Variants in TFB2M observed in about 807,000 individuals in gnomAD.
TFB2M encodes the protein dimethyladenosine transferase 2, mitochondrial.
Under a neutral mutation model 41.3 loss-of-function variants are expected in TFB2M, and 44 were observed. That is an observed-to-expected ratio of 1.07 (90% CI 0.84 to 1.37). TFB2M has a LOEUF of 1.37. Among genes scored for constraint, TFB2M ranks in the 40% most tolerant of loss-of-function variants. The pLI is 0.00. For synonymous variants in TFB2M, 188 were observed against 176.8 expected, an observed-to-expected ratio of 1.06 and a Z score of -0.50; for missense variants, 496 against 490.2, an observed-to-expected ratio of 1.01 and a Z score of -0.11.
intron 4 of TFB2M, among the ~76,000 whole-genome samples, chr1:246,552,901 C>T (rs1375450134): frequency 6.6e-6 from 1 of 151,502 alleles, no homozygotes; most frequent in African/African-American, 2.4e-5. Context: ...AAGTGAGACA[C>T]TGTCTCTATT....
intron 6 of TFB2M, among the ~76,000 whole-genome samples, chr1:246,545,034 TG>T (rs1658971229): frequency 2.0e-5 from 3 of 148,252 alleles, no homozygotes; most frequent in Non-Finnish European, 4.5e-5. Context: ...CTCGATCTCC[TG>T]ACCTCGTGAT....
At chr1:246,552,408 G>C (rs1659210011) in intron 4 of TFB2M, among the ~76,000 whole-genome samples, 1 of 152,168 alleles carries the variant, frequency 6.6e-6, no homozygotes, top group South Asian at 2.1e-4. Flanking sequence ...AATTGAACTA[G>C]AGTCTCAAAT....
chr1:246,561,387 T>C (rs1473168254), intron 2 of TFB2M, among the ~76,000 whole-genome samples: 1 of 152,244 alleles, frequency 6.6e-6, no homozygotes, highest in Non-Finnish European at 1.5e-5. Context: ...CCTATCATAA[T>C]TATTGTTTCA....
At position 246,551,244 on chromosome 1, in the gene TFB2M, T is replaced by C; in HGVS notation, c.764A>G (p.Gln255Arg). The stretch of plus-strand genomic sequence containing the variant: ...CAGAACCTTAATCTCACAAGCTAAT[T>C]GCCAGATAACACTTAATACATGATA... ...DLYHVLSVIW[Q>R]LACEIKVLHM... The change falls in exon 5 of 8, where the codon CAA becomes CGA. Residue 255 changes from glutamine to arginine, a missense_variant. By Grantham distance (43) the Gln-to-Arg change is conservative. Transcript: ENST00000366514. The C allele has an allele frequency of 6.2e-7, 1 of 1,613,942 alleles. No homozygotes were observed. The highest frequency in any genetic ancestry group is 1.1e-5 in the South Asian group (1 of 91,076).
intron 6 of TFB2M, among the ~76,000 whole-genome samples, chr1:246,546,729 G>A (rs1050784337): frequency 1.3e-5 from 2 of 149,872 alleles, no homozygotes; most frequent in South Asian, 4.2e-4. Flanking sequence ...CGGATCCAAA[G>A]GACAAAAAAA....
chr1:246,559,270 C>A (rs901606283), intron 2 of TFB2M, among the ~76,000 whole-genome samples: 1 of 151,992 alleles, frequency 6.6e-6, no homozygotes. Flanking sequence ...AAATTTTGGC[C>A]GGGTGCAGTG....
intron 2 of TFB2M, among the ~76,000 whole-genome samples, chr1:246,563,812 C>T (rs189321554): frequency 1.7e-3 from 266 of 152,266 alleles, no homozygotes; most frequent in African/African-American, 6.2e-3. Context: ...TTTTTAGACT[C>T]GGGTCCCATC....
chr1:246,544,613 G>C lies in TFB2M; in HGVS notation c.927C>G (p.Thr309=), dbSNP rs1658950013. 2 of 1,609,504 alleles carry C rather than the reference G, an allele frequency of 1.2e-6. No homozygotes were observed. The highest frequency in any genetic ancestry group is 2.7e-5 in the African/African-American group (2 of 74,584). ...IQMIPRQNLF[T]KNLTPMNYNI... is the part of the protein sequence containing the mutation. ...TATAGTTCATAGGTGTTAAGTTCTTGGTAAATAAATTTTGACGAGGAATCA... is the reference window on the plus strand; with the variant it reads ...TATAGTTCATAGGTGTTAAGTTCTTCGTAAATAAATTTTGACGAGGAATCA... The change falls in exon 7 of 8, where the codon ACC becomes ACG. Residue 309 remains threonine (T), a synonymous_variant. Transcript: ENST00000366514.
intron 5 of TFB2M, among the ~76,000 whole-genome samples, chr1:246,549,926 C>T (rs1659125291): frequency 6.6e-6 from 1 of 152,154 alleles, no homozygotes; most frequent in African/African-American, 2.4e-5. Context: ...CAACAGCTTT[C>T]CCCTCATCAA....
At chr1:246,544,216 C>T (rs563980337) in intron 7 of TFB2M, among the ~76,000 whole-genome samples, 1 of 152,292 alleles carries the variant, frequency 6.6e-6, no homozygotes, top group East Asian at 1.9e-4. Context: ...GATTTCTCTC[C>T]ACCCCACTAG....
chr1:246,557,147 C>T (rs1365740393), intron 3 of TFB2M, among the ~76,000 whole-genome samples: 2 of 152,032 alleles, frequency 1.3e-5, no homozygotes, highest in Non-Finnish European at 2.9e-5. Flanking sequence ...TGGTGACACA[C>T]ACTTGTAATC....
intron 5 of TFB2M, among the ~76,000 whole-genome samples, chr1:246,550,009 G>A (rs969412343): frequency 3.3e-5 from 5 of 152,238 alleles, no homozygotes; most frequent in Non-Finnish European, 5.9e-5. Flanking sequence ...TAGACACACA[G>A]TGGAGCAAGT....
intron 4 of TFB2M, among the ~76,000 whole-genome samples, chr1:246,552,814 T>C (rs3129578): frequency 0.94 from 143,232 of 152,104 alleles, 67,773 homozygotes; most frequent in Non-Finnish European, 0.99. Context: ...TAGCTCACAC[T>C]TGTAATCCCA....
In TFB2M at chr1:246,556,671, C is replaced by T. The variant is rs1659331242; in HGVS notation, c.607G>A (p.Ala203Thr). The T allele has an allele frequency of 1.3e-6, 2 of 1,582,760 alleles. No homozygotes were observed. The highest frequency in any genetic ancestry group is 1.7e-6 in the Non-Finnish European group (2 of 1,170,196). ...AAGTCATATGCGAGTTTCCAAAGTGCCCTTTTCTCACCTCTACTTGGGAAC... is the reference window on the plus strand; with the variant it reads ...AAGTCATATGCGAGTTTCCAAAGTGTCCTTTTCTCACCTCTACTTGGGAAC... ...GMFPSRGEKR[A>T]LWKLAYDLYS... is the part of the protein sequence containing the mutation. Residue 203 changes from alanine to threonine, a missense_variant, in exon 4 of 8, where the codon GCA (alanine) becomes ACA (threonine). Ala to Thr is a moderately conservative substitution (Grantham distance 58). Transcript: ENST00000366514.
Position 246,540,932 on chromosome 1 carries a change from A to G in TFB2M, c.*99T>C. 8.3e-7 allele frequency: 1 copy of G among 1,204,434 alleles called. No individual in the cohort carries two copies. Among genetic ancestry groups the G allele is most frequent in the Non-Finnish European group, 1.2e-6 (1 of 856,662 alleles). 74.6% of individuals were successfully genotyped at this position (1,204,434 alleles called of 1,614,324 possible). A position where few individuals can be genotyped will look rare whatever the true frequency, so the allele number is the denominator to read the frequency against. ...TGCCTGGCTTGTGCAAGACAAGAAC[A>G]GTTACCTTCTGCTGAAAGGATGTGA... On this transcript the variant is annotated 3_prime_UTR_variant, in exon 8 of 8. Transcript: ENST00000366514.
chr1:246,544,894 C>G (rs566498785), intron 6 of TFB2M, among the ~76,000 whole-genome samples: 1 of 152,272 alleles, frequency 6.6e-6, no homozygotes, highest in Admixed American at 6.5e-5. Context: ...AAAGCTCCAT[C>G]TCCCGGGTTC....
chr1:246,563,014 C>A (rs574458594), intron 2 of TFB2M, among the ~76,000 whole-genome samples: 2 of 152,092 alleles, frequency 1.3e-5, no homozygotes, highest in Non-Finnish European at 2.9e-5. Context: ...CTTGACGGAC[C>A]CGCTTCCTGG....
intron 2 of TFB2M, among the ~76,000 whole-genome samples, chr1:246,558,579 T>C (rs1423293099): frequency 1.3e-5 from 2 of 152,236 alleles, no homozygotes; most frequent in East Asian, 3.8e-4. Flanking sequence ...TACAGAGAAC[T>C]GTGAGCCATC....
chr1:246,541,636 AG>A (rs1658860737), intron 7 of TFB2M, among the ~76,000 whole-genome samples: 1 of 152,246 alleles, frequency 6.6e-6, no homozygotes, highest in East Asian at 1.9e-4. Flanking sequence ...TATTAATAGC[AG>A]GTTTAGGCTT....
Sources: allele counts gnomAD v4.1 joint callset (sites outside exome capture counted in the v4.1 genomes callset), GRCh38; gene constraint gnomAD v4.1.1; transcripts MANE v1.5; gene names NCBI Gene and HGNC (gene_info 2026-07-23, HGNC 2026-07-21).